Variants in BBOX1 observed in about 807,000 individuals in gnomAD.
The protein encoded by BBOX1 is gamma-butyrobetaine dioxygenase.
A neutral mutation model predicts 41.6 loss-of-function variants in BBOX1; 35 were observed. The ratio of observed to expected loss-of-function variants is 0.84; its 90% CI spans 0.64 to 1.11. The LOEUF is 1.11. Among genes scored for constraint, BBOX1 ranks in the 50% most tolerant of loss-of-function variants. The pLI, the probability that BBOX1 is intolerant of heterozygous loss-of-function variation, is 0.00. For missense variants in BBOX1, 458 were observed against 460.6 expected, an observed-to-expected ratio of 0.99 and a Z score of 0.05; for synonymous variants, 163 against 154.7, an observed-to-expected ratio of 1.05 and a Z score of -0.40.
chr11:27,083,571 C>G (rs970481865), intron 4 of BBOX1, among the ~76,000 whole-genome samples: 1 of 152,082 alleles, frequency 6.6e-6, no homozygotes, highest in African/African-American at 2.4e-5. Flanking sequence ...GCATAAATAG[C>G]TTCTCTTTAG....
chr11:27,043,393 C>CTGGGGTACATGTGCAGCATGTGCAGGTT (rs1851396904), intron 2 of BBOX1, among the ~76,000 whole-genome samples: 1 of 136,964 alleles, frequency 7.3e-6, no homozygotes, highest in Non-Finnish European at 1.7e-5. Flanking sequence ...CTTTTAAGTG[C>CTGGGGTACATGTGCAGCATGTGCAGGTT]TGGGGTACAT....
chr11:27,105,378 C>T (rs139743844), intron 5 of BBOX1, among the ~76,000 whole-genome samples: 4,970 of 152,174 alleles, frequency 0.033, 124 homozygotes, highest in South Asian at 0.11. Context: ...CTAGAATAAC[C>T]ACTGTAGGGA....
chr11:27,121,582 G>C (rs1040644386), intron 7 of BBOX1, among the ~76,000 whole-genome samples: 1 of 152,006 alleles, frequency 6.6e-6, no homozygotes, highest in Admixed American at 6.6e-5. Flanking sequence ...ATCAGTTTTT[G>C]GTTACATTTT....
intron 4 of BBOX1, among the ~76,000 whole-genome samples, chr11:27,064,411 G>A (rs1162363224): frequency 6.6e-6 from 1 of 152,134 alleles, no homozygotes; most frequent in Non-Finnish European, 1.5e-5. Flanking sequence ...ACAGGTGGGA[G>A]AATAGCTCAC....
At chr11:27,114,338 C>G (rs1859182881) in intron 5 of BBOX1, among the ~76,000 whole-genome samples, 1 of 151,734 alleles carries the variant, frequency 6.6e-6, no homozygotes, top group Non-Finnish European at 1.5e-5. Flanking sequence ...CCAAAGCAGT[C>G]TACAATCCCT....
Position 27,057,218 on chromosome 11 carries a change from C to T in BBOX1, c.237C>T (p.Pro79=), listed in dbSNP as rs780909077. 20 of 1,606,174 alleles carry T rather than the reference C, an allele frequency of 1.2e-5. No homozygotes were observed. In the Middle Eastern group the frequency reaches 8.3e-4, roughly 67 times the overall value. ...FDRKKVYITW[P]DEHYSEFQAD... ...GTTATAAGGTGTACATCACATGGCCCGATGAGCATTACAGTGAATTCCAGG... is the reference window on the plus strand; with the variant it reads ...GTTATAAGGTGTACATCACATGGCCTGATGAGCATTACAGTGAATTCCAGG... The change falls in exon 4 of 9, where the codon CCC becomes CCT. Residue 79 remains proline (P), a synonymous_variant. Coordinates refer to ENST00000263182, the MANE Select transcript of BBOX1 (RefSeq NM_003986.3).
At chr11:27,122,787 G>GTT (rs1859513827) in intron 7 of BBOX1, among the ~76,000 whole-genome samples, 1 of 150,146 alleles carries the variant, frequency 6.7e-6, no homozygotes, top group Non-Finnish European at 1.5e-5. Flanking sequence ...TCCTTTCTTT[G>GTT]GTTTTTTTTT....
chr11:27,124,415 A>C (rs549090407), intron 7 of BBOX1, among the ~76,000 whole-genome samples: 188 of 152,290 alleles, frequency 1.2e-3, no homozygotes, highest in African/African-American at 4.3e-3. Flanking sequence ...TAAGCTACAA[A>C]AGAGTTTCCT....
In BBOX1 at chr11:27,055,363, G is replaced by A. The variant is rs1856945457; in HGVS notation, c.-38-30G>A. On this transcript the variant is annotated intron_variant, in intron 2 of 8. Transcript: ENST00000263182. The stretch of plus-strand genomic sequence containing the variant: ...GGCCAAGTTTAGATCTTATCTGCCT[G>A]AGATTCCTTTTAACACTGATTTGTC... The A allele has an allele frequency of 2.7e-6, 4 of 1,506,676 alleles. No homozygotes were observed. The South Asian group carries it at 4.6e-5, about 17-fold the overall frequency. 93.3% of individuals were successfully genotyped at this position (1,506,676 alleles called of 1,614,324 possible).
At chr11:27,065,756 T>C (rs1009250201) in intron 4 of BBOX1, among the ~76,000 whole-genome samples, 3 of 152,190 alleles carry the variant, frequency 2.0e-5, no homozygotes, top group African/African-American at 7.2e-5. Context: ...TTAAATAAAA[T>C]TTTTTAAAAG....
intron 2 of BBOX1, among the ~76,000 whole-genome samples, chr11:27,049,144 GGA>G (rs1564951098): frequency 6.9e-6 from 1 of 145,192 alleles, no homozygotes; most frequent in African/African-American, 2.6e-5. Flanking sequence ...TTGGGGGGGG[GGA>G]ACTTCTGTAC....
intron 4 of BBOX1, among the ~76,000 whole-genome samples, chr11:27,087,262 G>C (rs1322686265): frequency 6.6e-6 from 1 of 151,992 alleles, no homozygotes; most frequent in Non-Finnish European, 1.5e-5. Context: ...CTTTGTGAAA[G>C]AAAGAATTAA....
chr11:27,122,749 C>T (rs1004217425), intron 7 of BBOX1, among the ~76,000 whole-genome samples: 1 of 152,016 alleles, frequency 6.6e-6, no homozygotes, highest in Non-Finnish European at 1.5e-5. Context: ...GTATTCACAA[C>T]ACAAACTGTG....
At position 27,125,834 on chromosome 11, in the gene BBOX1, T is replaced by C; in HGVS notation, c.1003+14T>C. The C allele has an allele frequency of 6.3e-7, 1 of 1,597,874 alleles. No individual in the cohort carries two copies. The highest frequency in any genetic ancestry group is 8.5e-7 in the Non-Finnish European group (1 of 1,173,398). ...AGATGAATCCAGGTCAGTGAATACA[T>C]TTTCTCAAATAACCAAAAGCATGGA... On this transcript the variant is annotated intron_variant, in intron 8 of 8. Coordinates refer to ENST00000263182, the MANE Select transcript of BBOX1 (RefSeq NM_003986.3).
intron 4 of BBOX1, among the ~76,000 whole-genome samples, chr11:27,084,693 A>G (rs1188166185): frequency 1.3e-5 from 2 of 152,132 alleles, no homozygotes; most frequent in Non-Finnish European, 2.9e-5. Context: ...GAAATAACAC[A>G]TTGCAACCCA....
chr11:27,044,281 G>T (rs1851430372), intron 2 of BBOX1, among the ~76,000 whole-genome samples: 2 of 151,968 alleles, frequency 1.3e-5, no homozygotes, highest in Admixed American at 6.6e-5. Context: ...GCCCATTTTT[G>T]ATGGGTTTTT....
At chr11:27,109,096 A>G (rs1275402459) in intron 5 of BBOX1, among the ~76,000 whole-genome samples, 1 of 152,078 alleles carries the variant, frequency 6.6e-6, no homozygotes, top group Non-Finnish European at 1.5e-5. Context: ...GGAATTCTGT[A>G]TTTGTGTATT....
Position 27,060,501 on chromosome 11 carries a change from T to C in BBOX1, c.334+3186T>C, listed in dbSNP as rs11029815. On this transcript the variant is annotated intron_variant, in intron 4 of 8. Coordinates refer to ENST00000263182, the MANE Select transcript of BBOX1 (RefSeq NM_003986.3). ...AGAACAGGCTAATATACCAGCCTTG[T>C]TGAGTTTTGTAACACCTCTCCTGGA... 6.1e-3 allele frequency among the ~76,000 whole-genome samples: 932 copies of C among 152,322 alleles called. 37 individuals carry two copies. The East Asian group carries it at 0.1, about 17-fold the overall frequency.
chr11:27,045,778 T>A (rs1396232495), intron 2 of BBOX1, among the ~76,000 whole-genome samples: 1 of 152,162 alleles, frequency 6.6e-6, no homozygotes, highest in African/African-American at 2.4e-5. Context: ...AACAGCCTTT[T>A]ATTCTGAGGG....
Sources: allele counts gnomAD v4.1 joint callset (sites outside exome capture counted in the v4.1 genomes callset), GRCh38; gene constraint gnomAD v4.1.1; transcripts MANE v1.5; gene names NCBI Gene and HGNC (gene_info 2026-07-23, HGNC 2026-07-21).